RAPH1: variants seen among roughly 807,000 people sequenced by gnomAD.
RAPH1 encodes the protein ras-associated and pleckstrin homology domains-containing protein 1.
A neutral mutation model predicts 88.1 loss-of-function variants in RAPH1; 18 were observed. The observed-to-expected ratio is 0.20, with a 90% CI of 0.14 to 0.30. The LOEUF (loss-of-function observed/expected upper bound fraction) is 0.30. Among genes scored for constraint, RAPH1 ranks in the 10% least tolerant of loss-of-function variants. The pLI is 1.00. For synonymous variants in RAPH1, 587 were observed against 559.0 expected, an observed-to-expected ratio of 1.05 and a Z score of -0.71; for missense variants, 1,448 against 1,543.2, an observed-to-expected ratio of 0.94 and a Z score of 1.03.
At chr2:203,467,002 A>G (rs539389764) in intron 4 of RAPH1, among the ~76,000 whole-genome samples, 20 of 152,356 alleles carry the variant, frequency 1.3e-4, no homozygotes, top group African/African-American at 4.6e-4. Flanking sequence ...TTAAGGGGCT[A>G]AACAGTGGTT....
rs1228424191 is a variant in RAPH1, at chr2:203,440,763, TGGA to T, written c.2424_2426del (p.Pro809del). ...CTGGCTGCTTTTTTGCTGGGGGCAC[TGGA>T]GGAGTAGGTGTGGGTGGTGCAGCTT... On this transcript the variant is annotated inframe_deletion, in exon 14 of 14. Coordinates refer to ENST00000319170, the MANE Select transcript of RAPH1 (RefSeq NM_213589.3). 1.9e-6 allele frequency: 3 copies of T among 1,602,566 alleles called. No individual in the cohort carries two copies.
In RAPH1 at chr2:203,455,495, T is replaced by A. The variant is rs747194105; in HGVS notation, c.1244A>T (p.Lys415Met). ...LKDDGKKSWK[K>M]RYFLLRASGI... ...AGATGCTCGCAAGAGAAAATAACGC[T>A]TTTTCCAGGACTTCTTGCCATCATC... Residue 415 changes from lysine to methionine, a missense_variant, in exon 9 of 14, where the codon AAG (lysine) becomes ATG (methionine). Around this residue, in one of 2 missense-constraint regions of RAPH1, gnomAD observed 513 missense variants for 653.1 expected, o/e 0.79. Transcript: ENST00000319170. 6 of 1,613,964 alleles carry A rather than the reference T, an allele frequency of 3.7e-6. No individual in the cohort carries two copies. In the South Asian group the frequency reaches 6.6e-5, roughly 18 times the overall value.
At chr2:203,506,379 C>CAT (rs921170801) in intron 1 of RAPH1, among the ~76,000 whole-genome samples, 1 of 151,894 alleles carries the variant, frequency 6.6e-6, no homozygotes, top group Non-Finnish European at 1.5e-5. Context: ...ATACTGTATA[C>CAT]ACTCTACACA....
At chr2:203,466,467 T>A (rs769791004) in intron 4 of RAPH1, among the ~76,000 whole-genome samples, 1 of 152,206 alleles carries the variant, frequency 6.6e-6, no homozygotes, top group Non-Finnish European at 1.5e-5. Context: ...TGTTTGCTGA[T>A]ACGTTTAGAT....
At chr2:203,481,568 AATATATAT>A (rs60650703) in intron 4 of RAPH1, among the ~76,000 whole-genome samples, 2,890 of 138,098 alleles carry the variant, frequency 0.021, 54 homozygotes, top group East Asian at 0.072. Context: ...TAAATAGATG[AATATATAT>A]ATATATATAT....
chr2:203,504,133 C>T (rs1045613970), intron 1 of RAPH1, among the ~76,000 whole-genome samples: 1 of 152,134 alleles, frequency 6.6e-6, no homozygotes, highest in Non-Finnish European at 1.5e-5. Context: ...GGACAATAGC[C>T]CTCTTCTCAC....
intron 1 of RAPH1, among the ~76,000 whole-genome samples, chr2:203,531,441 TG>T (rs1690386523): frequency 6.6e-6 from 1 of 151,720 alleles, no homozygotes; most frequent in Admixed American, 6.6e-5. Context: ...ATCAAGACAG[TG>T]AAAAGATAAC....
rs1469199030 is a variant in RAPH1, at chr2:203,448,960, G to C, written c.1414-124C>G. The C allele has an allele frequency of 6.3e-6, 3 of 475,224 alleles. No individual in the cohort carries two copies. The highest frequency in any genetic ancestry group is 1.1e-5 in the Non-Finnish European group (3 of 275,992). 29.4% of individuals were successfully genotyped at this position (475,224 alleles called of 1,614,324 possible). On this transcript the variant is annotated intron_variant, in intron 10 of 13. Transcript: ENST00000319170. The surrounding 1 kb of genome is among the most constrained non-coding windows in gnomAD (Gnocchi z 4.1). ...TTAGAGTAATGGCCAATACATTTAT[G>C]CTTCTTATATGGCCATAAGGCCAAA...
intron 1 of RAPH1, among the ~76,000 whole-genome samples, chr2:203,513,115 T>G (rs1049802679): frequency 6.6e-6 from 1 of 152,082 alleles, no homozygotes; most frequent in African/African-American, 2.4e-5. Flanking sequence ...TCAGGAGACT[T>G]GAAATTCTTG....
At position 203,478,057 on chromosome 2, in the gene RAPH1, G is replaced by A. The variant is rs1687546511; in HGVS notation, c.732+11527C>T. Among the ~76,000 whole-genome samples, 4 of 150,004 alleles carry A rather than the reference G, an allele frequency of 2.7e-5. No homozygotes were observed. In the South Asian group the frequency reaches 8.4e-4, roughly 31 times the overall value. ...TTTTGTTTTTTTTTTTTTTGAGACG[G>A]AGTCTTGCTCAGTCGCCCAGGCTGG... On this transcript the variant is annotated intron_variant, in intron 4 of 13. Coordinates refer to ENST00000319170, the MANE Select transcript of RAPH1 (RefSeq NM_213589.3).
chr2:203,467,703 T>C (rs1254958196), intron 4 of RAPH1, among the ~76,000 whole-genome samples: 1 of 152,160 alleles, frequency 6.6e-6, no homozygotes, highest in Admixed American at 6.5e-5. Context: ...GGTTTTGGTA[T>C]TGATTTGGGT....
chr2:203,454,413 A>G lies in RAPH1; in HGVS notation c.1413+17T>C. The G allele has an allele frequency of 1.9e-6, 3 of 1,548,462 alleles. No individual in the cohort carries two copies. Among genetic ancestry groups the G allele is most frequent in the Non-Finnish European group, 2.7e-6 (3 of 1,126,694 alleles). On this transcript the variant is annotated intron_variant, in intron 10 of 13. Coordinates refer to ENST00000319170, the MANE Select transcript of RAPH1 (RefSeq NM_213589.3). ...TCTAACATCAATTAAAATTCCTAAA[A>G]AGAAATATGTGTTTACCTTCAGCAC...
At chr2:203,468,208 T>C (rs1459143043) in intron 4 of RAPH1, among the ~76,000 whole-genome samples, 1 of 152,192 alleles carries the variant, frequency 6.6e-6, no homozygotes, top group East Asian at 1.9e-4. Context: ...AATGAAGTTA[T>C]TTATTCTTTT....
chr2:203,440,692 A>C lies in RAPH1; in HGVS notation c.2498T>G (p.Val833Gly). The C allele has an allele frequency of 1.4e-6, 2 of 1,416,792 alleles. No individual in the cohort carries two copies. Among genetic ancestry groups the C allele is most frequent in the Non-Finnish European group, 1.9e-6 (2 of 1,057,268 alleles). The allele number at this position is 1,416,792 out of a possible 1,614,324, so 87.8% of individuals were successfully genotyped here. A position where few individuals can be genotyped will look rare whatever the true frequency, so the allele number is the denominator to read the frequency against. ...GGGTAATGTTGGCGGGGGTACTGGA[A>C]CAGGAGGGGTAGGGGGAGAGGGTGG... The part of the protein sequence containing the change: ...YIPPSPPTPP[V>G]PVPPPTLPKQ... The change falls in exon 14 of 14, where the codon GTT (valine) becomes GGT (glycine). Residue 833 changes from valine (V) to glycine (G), a missense_variant. By Grantham distance (109) the Val-to-Gly change is moderately radical (BLOSUM62 -3). Transcript: ENST00000319170.
intron 4 of RAPH1, among the ~76,000 whole-genome samples, chr2:203,478,528 C>T (rs764005356): frequency 9.3e-5 from 14 of 151,318 alleles, no homozygotes; most frequent in East Asian, 2.0e-4. Flanking sequence ...CTCACTCTGT[C>T]GCTCGGGCTG....
At chr2:203,492,997 A>T (rs1688340736) in intron 2 of RAPH1, among the ~76,000 whole-genome samples, 1 of 152,232 alleles carries the variant, frequency 6.6e-6, no homozygotes, top group Admixed American at 6.5e-5. Flanking sequence ...TGAGTACGTG[A>T]TACAGGTGTA....
In RAPH1 at chr2:203,435,355, A is replaced by AC. The variant is rs1301591406; in HGVS notation, c.*4081dup. ...AGACCAGCCTGGGCAACACAGTGAG[A>AC]CCCCCATCTCTACCAAAAAAAAAAA... On this transcript the variant is annotated 3_prime_UTR_variant, in exon 14 of 14. Coordinates refer to ENST00000319170, the MANE Select transcript of RAPH1 (RefSeq NM_213589.3). The AC allele has an allele frequency of 1.5e-5, 2 of 133,614 alleles. No individual in the cohort carries two copies. The highest frequency in any genetic ancestry group is 2.9e-5 in the African/African-American group (1 of 34,566). 8.3% of individuals were successfully genotyped at this position (133,614 alleles called of 1,614,324 possible).
chr2:203,439,986 T>C lies in RAPH1; in HGVS notation c.3204A>G (p.Pro1068=), dbSNP rs1553618055. The C allele has an allele frequency of 6.2e-7, 1 of 1,613,216 alleles. No individual in the cohort carries two copies. Among genetic ancestry groups the C allele is most frequent in the South Asian group, 1.1e-5 (1 of 91,034 alleles). ...KDSVVEFPSP[P]SDSDFPPPPP... ...GAGGGGGTGGAAAATCAGAATCGGA[T>C]GGAGGAGAAGGAAATTCCACCACGG... The change falls in exon 14 of 14, where the codon CCA becomes CCG. Residue 1068 remains proline, a synonymous_variant. Transcript: ENST00000319170.
Position 203,440,207 on chromosome 2 carries a change from G to A in RAPH1, c.2983C>T (p.Pro995Ser), listed in dbSNP as rs771831978. 2.5e-6 allele frequency: 4 copies of A among 1,613,984 alleles called. No homozygotes were observed. Among genetic ancestry groups the A allele is most frequent in the Non-Finnish European group, 1.7e-6 (2 of 1,180,006 alleles). The change falls in exon 14 of 14, where the codon CCC (proline) becomes TCC (serine). Residue 995 changes from proline to serine, a missense_variant. Pro to Ser is a moderately conservative substitution (Grantham distance 74). This residue lies in a region of RAPH1 where 935 missense variants were observed against 890.1 expected (regional missense o/e 1.05). Coordinates refer to ENST00000319170, the MANE Select transcript of RAPH1 (RefSeq NM_213589.3). The stretch of plus-strand genomic sequence containing the variant: ...TTGCTGACTAGACTGTCCACCGAGG[G>A]TCTCTTGGGCTCGGGGTGCTCTGCA... The part of the protein sequence containing the change: ...SGAEHPEPKR[P>S]SVDSLVSKFT...
Sources: allele counts gnomAD v4.1 joint callset (sites outside exome capture counted in the v4.1 genomes callset), GRCh38; gene constraint gnomAD v4.1.1; regional missense constraint gnomAD v4.1.1; non-coding constraint Gnocchi (gnomAD v3.1); transcripts MANE v1.5; gene names NCBI Gene and HGNC (gene_info 2026-07-23, HGNC 2026-07-21).